Variants in ADAMTS20 observed in about 807,000 individuals in gnomAD.
ADAMTS20 encodes ADAM metallopeptidase with thrombospondin type 1 motif 20.
Under a neutral mutation model 260.1 loss-of-function variants are expected in ADAMTS20, and 225 were observed. The observed-to-expected ratio is 0.87, with a 90% confidence interval of 0.78 to 0.97. The LOEUF is 0.97. Ranked by LOEUF, ADAMTS20 falls within the 50% of genes least tolerant of loss-of-function variation. The pLI is 0.00. For missense variants in ADAMTS20, 2,400 were observed against 2,337.7 expected (o/e 1.03, Z -0.55); for synonymous variants, 802 against 769.5 (o/e 1.04, Z -0.70).
intron 3 of ADAMTS20, among the ~76,000 whole-genome samples, chr12:43,528,934 A>G (rs1253921447): frequency 6.6e-6 from 1 of 152,234 alleles, no homozygotes; most frequent in Non-Finnish European, 1.5e-5. Flanking sequence ...AAAATCTACA[A>G]GAAACTAAAA....
At chr12:43,398,782 G>A (rs1395297671) in intron 29 of ADAMTS20, among the ~76,000 whole-genome samples, 1 of 152,090 alleles carries the variant, frequency 6.6e-6, no homozygotes, top group African/African-American at 2.4e-5. Flanking sequence ...AGGATAAGAT[G>A]GGAGGATTGC....
intron 3 of ADAMTS20, among the ~76,000 whole-genome samples, chr12:43,521,286 A>G (rs2137482086): frequency 6.6e-6 from 1 of 152,340 alleles, no homozygotes; most frequent in African/African-American, 2.4e-5. Context: ...TGCTGAAACT[A>G]AAAACCCTGG....
At chr12:43,364,564 G>A (rs897042360) in intron 37 of ADAMTS20, among the ~76,000 whole-genome samples, 2 of 152,078 alleles carry the variant, frequency 1.3e-5, no homozygotes, top group Admixed American at 6.6e-5. Context: ...CTCTGAAGAT[G>A]AAAAGTACAA....
rs1943516792 is a variant in ADAMTS20, at chr12:43,551,525, A to T, written c.92-255T>A. Among the ~76,000 whole-genome samples, 1 of 151,698 alleles carries T rather than the reference A, an allele frequency of 6.6e-6. No individual in the cohort carries two copies. Among genetic ancestry groups the T allele is most frequent in the East Asian group, 1.9e-4 (1 of 5,130 alleles). On this transcript the variant is annotated intron_variant, in intron 1 of 38. Transcript: ENST00000389420. The surrounding 1 kb of genome is among the most constrained non-coding windows in gnomAD (Gnocchi z 4.6). Reference sequence around the variant, plus strand: ...TACCACTAATGGCCCTAAGCAACCCACTTCCTTCCCCAGTACCTCCTAACC... The same window carrying T: ...TACCACTAATGGCCCTAAGCAACCCTCTTCCTTCCCCAGTACCTCCTAACC...
In ADAMTS20 at chr12:43,542,874, C is replaced by T. The variant is rs370304570; in HGVS notation, c.453+8035G>A. Reference sequence around the variant, plus strand: ...AACCTACAGGCTTTCAGAATTACCCCAGCATTCTTGAAGCTCCCCCAAGAC... The same window carrying T: ...AACCTACAGGCTTTCAGAATTACCCTAGCATTCTTGAAGCTCCCCCAAGAC... On this transcript the variant is annotated intron_variant, in intron 2 of 38. Coordinates refer to ENST00000389420, the MANE Select transcript of ADAMTS20 (RefSeq NM_025003.5). Among the ~76,000 whole-genome samples the T allele has an allele frequency of 4.1e-4, 62 of 152,288 alleles. 1 individual carries two copies. The South Asian group carries it at 0.012, about 30-fold the overall frequency.
In ADAMTS20 at chr12:43,428,746, A is replaced by G. The variant is rs1213322491; in HGVS notation, c.3543T>C (p.Asp1181=). 6.2e-7 allele frequency: 1 copy of G among 1,611,796 alleles called. No homozygotes were observed. The highest frequency in any genetic ancestry group is 1.7e-5 in the Admixed American group (1 of 59,900). ...ATTCATCTGCTATTCTATCAAGAGC[A>G]TCACGACAGCTTACATAGCGGGCTT... ...GTQARYVSCR[D]ALDRIADESY... is the part of the protein sequence containing the mutation. Residue 1181 remains aspartate, a synonymous_variant, in exon 25 of 39, where the codon GAT becomes GAC. Transcript: ENST00000389420.
intron 31 of ADAMTS20, among the ~76,000 whole-genome samples, chr12:43,381,663 C>T (rs912880454): frequency 3.0e-4 from 44 of 148,206 alleles, no homozygotes; most frequent in African/African-American, 1.0e-3. Context: ...TGGCTGTAGT[C>T]GCAGCTACTC....
chr12:43,412,468 A>G (rs1015587370), intron 28 of ADAMTS20, among the ~76,000 whole-genome samples: 1 of 152,248 alleles, frequency 6.6e-6, no homozygotes, highest in African/African-American at 2.4e-5. Flanking sequence ...GGAAAGCTAC[A>G]TGTAATAGAT....
intron 2 of ADAMTS20, among the ~76,000 whole-genome samples, chr12:43,532,492 G>C (rs938883810): frequency 6.6e-6 from 1 of 150,714 alleles, no homozygotes; most frequent in Non-Finnish European, 1.5e-5. Context: ...GTTTAGAATA[G>C]TCTATAAATA....
At position 43,383,645 on chromosome 12, in the gene ADAMTS20, G is replaced by A. The variant is rs2137226437; in HGVS notation, c.4710C>T (p.Val1570=). 5 of 1,613,804 alleles carry A rather than the reference G, an allele frequency of 3.1e-6. No individual in the cohort carries two copies. The highest frequency in any genetic ancestry group is 4.2e-6 in the Non-Finnish European group (5 of 1,179,826). ...TAAGAGATATGGTTGAAGAATTATA[G>A]ACTATTTCATTCACTTGTCTGATTT... is the stretch of plus-strand genomic sequence containing the variant. The part of the protein sequence containing the change: ...DNQIRQVNEI[V]YNSSTISLTS... The change falls in exon 31 of 39, where the codon GTC becomes GTT. Residue 1570 remains valine, a synonymous_variant. Coordinates refer to ENST00000389420, the MANE Select transcript of ADAMTS20 (RefSeq NM_025003.5).
intron 28 of ADAMTS20, among the ~76,000 whole-genome samples, chr12:43,402,576 T>C (rs1230003883): frequency 6.6e-6 from 1 of 152,000 alleles, no homozygotes; most frequent in Non-Finnish European, 1.5e-5. Flanking sequence ...GAATGAGGCA[T>C]CCATAGAGTA....
chr12:43,462,865 A>G, intron 11 of ADAMTS20, 30 bp downstream of exon 11: 1 of 1,543,006 alleles, frequency 6.5e-7, no homozygotes, highest in Non-Finnish European at 8.8e-7. Context: ...TAATATCTTC[A>G]TACAAGACTC....
Position 43,532,150 on chromosome 12 carries a change from T to C in ADAMTS20, c.499A>G (p.Ile167Val), listed in dbSNP as rs776318061. ...TATTCATTCCCATCTGCCTTCATTATAGGTTCTAAGAAATATTCACCGTTC... is the reference window on the plus strand; with the variant it reads ...TATTCATTCCCATCTGCCTTCATTACAGGTTCTAAGAAATATTCACCGTTC... ...GQNGEYFLEP[I>V]MKADGNEYED... is the part of the protein sequence containing the mutation. Residue 167 changes from isoleucine to valine, a missense_variant, in exon 3 of 39, where the codon ATA becomes GTA. By Grantham distance (29) the Ile-to-Val change is conservative. Coordinates refer to ENST00000389420, the MANE Select transcript of ADAMTS20 (RefSeq NM_025003.5). 1 of 1,612,070 alleles carries C rather than the reference T, an allele frequency of 6.2e-7. No individual in the cohort carries two copies. The highest frequency in any genetic ancestry group is 8.5e-7 in the Non-Finnish European group (1 of 1,179,084).
In ADAMTS20 at chr12:43,551,121, G is replaced by A. The variant is rs772637638; in HGVS notation, c.241C>T (p.Arg81Cys). 5 of 1,613,840 alleles carry A rather than the reference G, an allele frequency of 3.1e-6. No homozygotes were observed. The highest frequency in any genetic ancestry group is 4.2e-6 in the Non-Finnish European group (5 of 1,179,878). The change falls in exon 2 of 39, where the codon CGC becomes TGC. Residue 81 changes from arginine (R) to cysteine (C), a missense_variant. Arg to Cys is a radical substitution (Grantham distance 180, BLOSUM62 -3). Coordinates refer to ENST00000389420, the MANE Select transcript of ADAMTS20 (RefSeq NM_025003.5). The surrounding 1 kb of genome is among the most constrained non-coding windows in gnomAD (Gnocchi z 4.6). ...AAGAGCTGCCCGTAGGCAGTGAAGC[G>A]ATAGTGGGTTCGGAACGGCATGGGT... ...LEPMPFRTHY[R>C]FTAYGQLFQL...
chr12:43,477,091 T>C (rs1942370131), intron 7 of ADAMTS20, among the ~76,000 whole-genome samples: 1 of 150,764 alleles, frequency 6.6e-6, no homozygotes, highest in East Asian at 1.9e-4. Context: ...ACTATCATTA[T>C]AATCATTACT....
intron 28 of ADAMTS20, 146 bp from the exon 29 acceptor site, chr12:43,399,379 A>G (rs887085756): frequency 3.0e-6 from 2 of 671,536 alleles, no homozygotes; most frequent in African/African-American, 3.8e-5. Context: ...ATTAGTGAAA[A>G]GTTAAAAGTT....
intron 31 of ADAMTS20, among the ~76,000 whole-genome samples, chr12:43,380,755 GA>G (rs1184163344): frequency 6.6e-6 from 1 of 152,016 alleles, no homozygotes; most frequent in Non-Finnish European, 1.5e-5. Context: ...TAAATTAATG[GA>G]AATTCATTCC....
At chr12:43,383,761 T>C (rs759796405) in intron 30 of ADAMTS20, 33 bp from the exon 31 acceptor site, 34 of 1,613,322 alleles carry the variant, frequency 2.1e-5, no homozygotes, top group Non-Finnish European at 2.7e-5. Flanking sequence ...AATAACACAT[T>C]CTTATATGCA....
At chr12:43,487,709 A>G (rs1179591533) in intron 7 of ADAMTS20, among the ~76,000 whole-genome samples, 6 of 152,210 alleles carry the variant, frequency 3.9e-5, no homozygotes, top group Non-Finnish European at 7.3e-5. Context: ...TGTTTTGAGA[A>G]CTTGACATGC....
Sources: gnomAD v4.1 joint callset for allele counts (sites outside exome capture counted in the v4.1 genomes callset) on GRCh38, gnomAD v4.1.1 for gene constraint, Gnocchi (gnomAD v3.1) non-coding constraint, MANE v1.5 for transcripts, NCBI Gene and HGNC (gene_info 2026-07-23, HGNC 2026-07-21) for gene names.